The following NKAIN2 variants were observed in gnomAD, a reference collection of about 807,000 sequenced individuals.
NKAIN2 encodes the protein sodium/potassium-transporting ATPase subunit beta-1-interacting protein 2.
In NKAIN2, 14 loss-of-function variants were observed where a neutral mutation model predicts 32.6. That is an observed-to-expected ratio of 0.43 (90% CI 0.28 to 0.67). NKAIN2 has a LOEUF of 0.67. Among genes scored for constraint, NKAIN2 ranks in the 30% least tolerant of loss-of-function variants. NKAIN2 has a pLI of 0.17. For missense variants in NKAIN2, 198 were observed against 258.3 expected (o/e 0.77, Z 1.60); for synonymous variants, 80 against 87.2 (o/e 0.92, Z 0.46).
chr6:124,025,212 A>C (rs151178391), intron 1 of NKAIN2, among the ~76,000 whole-genome samples: 1 of 152,136 alleles, frequency 6.6e-6, no homozygotes, highest in South Asian at 2.1e-4. Context: ...ATACCTGTCT[A>C]TCTCTATTCT....
At chr6:124,116,464 A>G in intron 1 of NKAIN2, among the ~76,000 whole-genome samples, 1 of 152,048 alleles carries the variant, frequency 6.6e-6, no homozygotes. Flanking sequence ...TTGTAACTTT[A>G]TGGTAATAAT....
At chr6:124,281,455 T>G (rs921050032) in intron 1 of NKAIN2, among the ~76,000 whole-genome samples, 2 of 152,230 alleles carry the variant, frequency 1.3e-5, no homozygotes, top group Non-Finnish European at 2.9e-5. Context: ...AATTCAGGTT[T>G]ATAAAGCTTA....
intron 1 of NKAIN2, among the ~76,000 whole-genome samples, chr6:123,985,426 T>TACAA (rs748167623): frequency 6.6e-6 from 1 of 151,870 alleles, no homozygotes; most frequent in African/African-American, 2.4e-5. Flanking sequence ...TACAGTAGAG[T>TACAA]ACAAACAAAC....
chr6:124,347,368 C>G (rs796376264), intron 2 of NKAIN2, among the ~76,000 whole-genome samples: 1,721 of 150,242 alleles, frequency 0.011, 35 homozygotes, highest in African/African-American at 0.039. Context: ...TTTCCTGAAT[C>G]TGAATGTTGG....
At position 124,348,201 on chromosome 6, in the gene NKAIN2, G is replaced by T. The variant is rs576679274; in HGVS notation, c.193-7066G>T. 2.6e-5 allele frequency among the ~76,000 whole-genome samples: 4 copies of T among 152,212 alleles called. No individual in the cohort carries two copies. In the East Asian group the frequency reaches 7.8e-4, roughly 30 times the overall value. On this transcript the variant is annotated intron_variant, in intron 2 of 6. Coordinates refer to ENST00000368417, the MANE Select transcript of NKAIN2 (RefSeq NM_001040214.3). The stretch of plus-strand genomic sequence containing the variant: ...GTCTGCTTGTTCCTCTGGAAGTTTT[G>T]TCTCAGAGTTGTACCCGGCTGTGTG...
chr6:124,225,537 G>A (rs1000955408), intron 1 of NKAIN2, among the ~76,000 whole-genome samples: 9 of 151,874 alleles, frequency 5.9e-5, no homozygotes, highest in Admixed American at 2.0e-4. Context: ...GGATTGGAAA[G>A]TACATTACAT....
At chr6:124,040,876 C>T (rs1219085913) in intron 1 of NKAIN2, among the ~76,000 whole-genome samples, 1 of 151,918 alleles carries the variant, frequency 6.6e-6, no homozygotes, top group Non-Finnish European at 1.5e-5. Flanking sequence ...AAGTATTAGT[C>T]ATAATGATAA....
At chr6:124,084,376 A>G (rs1393042998) in intron 1 of NKAIN2, among the ~76,000 whole-genome samples, 2 of 151,948 alleles carry the variant, frequency 1.3e-5, no homozygotes, top group Non-Finnish European at 2.9e-5. Context: ...CAATTGCCAT[A>G]CAGGTTTGTA....
chr6:124,334,225 A>C (rs1797776421), intron 2 of NKAIN2, among the ~76,000 whole-genome samples: 1 of 152,198 alleles, frequency 6.6e-6, no homozygotes, highest in Non-Finnish European at 1.5e-5. Context: ...GTGTACCAGA[A>C]CCCTTGAGCC....
intron 4 of NKAIN2, among the ~76,000 whole-genome samples, chr6:124,718,791 T>A (rs928766515): frequency 1.2e-4 from 18 of 147,706 alleles, no homozygotes; most frequent in Non-Finnish European, 2.0e-4. Context: ...TACTAAAAAA[T>A]CTTCCGAATC....
chr6:123,832,235 C>T (rs1774419096), intron 1 of NKAIN2, among the ~76,000 whole-genome samples: 1 of 152,164 alleles, frequency 6.6e-6, no homozygotes, highest in African/African-American at 2.4e-5. Flanking sequence ...AATATGTAGC[C>T]ATTTTGGATT....
chr6:124,102,316 G>C (rs947392876), intron 1 of NKAIN2, among the ~76,000 whole-genome samples: 2 of 152,172 alleles, frequency 1.3e-5, no homozygotes, highest in African/African-American at 4.8e-5. Context: ...TATTGGGTTT[G>C]CCATTCTGAC....
intron 1 of NKAIN2, among the ~76,000 whole-genome samples, chr6:124,178,153 G>T (rs915723845): frequency 1.3e-5 from 2 of 152,028 alleles, no homozygotes; most frequent in Non-Finnish European, 2.9e-5. Flanking sequence ...GAAGAAGAGG[G>T]CTTCAATAGA....
intron 1 of NKAIN2, among the ~76,000 whole-genome samples, chr6:123,845,167 A>C (rs1157994336): frequency 6.6e-6 from 1 of 152,212 alleles, no homozygotes; most frequent in Non-Finnish European, 1.5e-5. Flanking sequence ...ATGTACTTCT[A>C]TTTGCTGGTA....
At chr6:123,976,877 C>G (rs1228091896) in intron 1 of NKAIN2, among the ~76,000 whole-genome samples, 1 of 152,178 alleles carries the variant, frequency 6.6e-6, no homozygotes, top group African/African-American at 2.4e-5. Context: ...ATATTTCCTT[C>G]TCTGAAGATT....
intron 1 of NKAIN2, among the ~76,000 whole-genome samples, chr6:124,249,949 C>T (rs1793619585): frequency 6.6e-6 from 1 of 152,100 alleles, no homozygotes; most frequent in African/African-American, 2.4e-5. Flanking sequence ...CTGTCTTGAT[C>T]TTGGTACTAG....
At chr6:124,748,751 T>A (rs1019424059) in intron 4 of NKAIN2, among the ~76,000 whole-genome samples, 1 of 151,928 alleles carries the variant, frequency 6.6e-6, no homozygotes, top group Non-Finnish European at 1.5e-5. Context: ...AGTTTATCCA[T>A]TTGATTTACT....
intron 3 of NKAIN2, among the ~76,000 whole-genome samples, chr6:124,435,946 A>G (rs1003082551): frequency 6.6e-6 from 1 of 152,162 alleles, no homozygotes; most frequent in Admixed American, 6.6e-5. Context: ...TAGTTTCTTT[A>G]TAACGTTTAA....
chr6:124,173,872 A>G (rs1289082077), intron 1 of NKAIN2, among the ~76,000 whole-genome samples: 1 of 152,062 alleles, frequency 6.6e-6, no homozygotes, highest in African/African-American at 2.4e-5. Context: ...TCTTCAGAGT[A>G]AAGTTTTGAT....
Sources: allele counts gnomAD v4.1 joint callset (sites outside exome capture counted in the v4.1 genomes callset), GRCh38; gene constraint gnomAD v4.1.1; transcripts MANE v1.5; gene names NCBI Gene and HGNC (gene_info 2026-07-23, HGNC 2026-07-21).